KIAA1958: variants seen among roughly 807,000 people sequenced by gnomAD.
KIAA1958 encodes KIAA1958.
Under a neutral mutation model 47.2 loss-of-function variants are expected in KIAA1958, and 14 were observed. The ratio of observed to expected loss-of-function variants is 0.30; its 90% CI spans 0.20 to 0.46. The LOEUF (loss-of-function observed/expected upper bound fraction) is 0.46, where lower values mean the gene tolerates loss of function less well. Ranked by LOEUF, KIAA1958 falls within the 20% of genes least tolerant of loss-of-function variation. KIAA1958 has a pLI of 1.00. For synonymous variants in KIAA1958, 354 were observed against 353.3 expected, an observed-to-expected ratio of 1.00 and a Z score of -0.02; for missense variants, 803 against 909.2, an observed-to-expected ratio of 0.88 and a Z score of 1.50.
At chr9:112,570,676 C>T (rs1456469261) in intron 1 of KIAA1958, among the ~76,000 whole-genome samples, 1 of 152,136 alleles carries the variant, frequency 6.6e-6, no homozygotes, top group Non-Finnish European at 1.5e-5. Context: ...TTGGCTTTGC[C>T]AGTACCAAAT....
chr9:112,588,249 C>G (rs1835863453), intron 2 of KIAA1958, among the ~76,000 whole-genome samples: 1 of 152,140 alleles, frequency 6.6e-6, no homozygotes, highest in Admixed American at 6.6e-5. Flanking sequence ...AATATTGTTC[C>G]TAGCTATTCA....
intron 1 of KIAA1958, among the ~76,000 whole-genome samples, chr9:112,528,668 C>T (rs1218751696): frequency 5.9e-5 from 9 of 152,222 alleles, no homozygotes; most frequent in African/African-American, 1.7e-4. Flanking sequence ...GATAGGCACC[C>T]GTCACCACGA....
At chr9:112,598,493 TGA>T (rs1386273056) in intron 2 of KIAA1958, among the ~76,000 whole-genome samples, 2 of 152,166 alleles carry the variant, frequency 1.3e-5, no homozygotes, top group Non-Finnish European at 2.9e-5. Context: ...ACATTTTGAA[TGA>T]GGGCAAGAGT....
chr9:112,547,856 T>A (rs562981614), intron 1 of KIAA1958, among the ~76,000 whole-genome samples: 2 of 152,144 alleles, frequency 1.3e-5, no homozygotes, highest in Non-Finnish European at 2.9e-5. Context: ...CTCTGAAGCC[T>A]GCTGCCTGGA....
intron 2 of KIAA1958, 68 bp downstream of exon 2, chr9:112,575,319 C>A: frequency 1.8e-6 from 2 of 1,082,192 alleles, no homozygotes; most frequent in Non-Finnish European, 2.6e-6. Context: ...GTCAGCACTT[C>A]TAAAACCATT....
At chr9:112,515,894 T>TAAAAAAAAAAAAAAA (rs58492221) in intron 1 of KIAA1958, among the ~76,000 whole-genome samples, 3 of 97,116 alleles carry the variant, frequency 3.1e-5, no homozygotes, top group African/African-American at 8.0e-5. Context: ...AAAAATAAAT[T>TAAAAAAAAAAAAAAA]AAAAAAAAAA....
At chr9:112,554,937 T>G (rs1835216157) in intron 1 of KIAA1958, among the ~76,000 whole-genome samples, 1 of 152,054 alleles carries the variant, frequency 6.6e-6, no homozygotes, top group African/African-American at 2.4e-5. Context: ...AAAAAAGAGT[T>G]AAAATCTGTG....
At chr9:112,601,698 G>C (rs1442929807) in intron 2 of KIAA1958, among the ~76,000 whole-genome samples, 1 of 152,094 alleles carries the variant, frequency 6.6e-6, no homozygotes, top group Admixed American at 6.6e-5. Flanking sequence ...CTTTTTCCCT[G>C]TTCTTTAGGA....
In KIAA1958 at chr9:112,493,583, T is replaced by C. The variant is rs955162602; in HGVS notation, c.-25+6465T>C. 2.0e-5 allele frequency among the ~76,000 whole-genome samples: 3 copies of C among 152,268 alleles called. No homozygotes were observed. In the South Asian group the frequency reaches 6.2e-4, roughly 31 times the overall value. The stretch of plus-strand genomic sequence containing the variant: ...GTCTGTTTGCCATATGTGAATCATA[T>C]GCTACTGTGTTACCTTTGCATTAGT... On this transcript the variant is annotated intron_variant, in intron 1 of 3. Transcript: ENST00000337530.
intron 2 of KIAA1958, among the ~76,000 whole-genome samples, chr9:112,587,009 G>A (rs1326374477): frequency 1.3e-5 from 2 of 152,234 alleles, no homozygotes; most frequent in Non-Finnish European, 1.5e-5. Context: ...ACCATCTTGG[G>A]TCTCAGCAGG....
chr9:112,488,637 A>G (rs147559822), intron 1 of KIAA1958, among the ~76,000 whole-genome samples: 95 of 152,344 alleles, frequency 6.2e-4, no homozygotes, highest in African/African-American at 2.1e-3. Context: ...ATGGACAGTC[A>G]TATGTAAAAA....
intron 1 of KIAA1958, among the ~76,000 whole-genome samples, chr9:112,571,313 A>G (rs2131170399): frequency 6.6e-6 from 1 of 152,312 alleles, no homozygotes; most frequent in East Asian, 1.9e-4. Context: ...AGACAATAAC[A>G]AGGTAATAGT....
chr9:112,507,010 A>C (rs1834245440), intron 1 of KIAA1958, among the ~76,000 whole-genome samples: 1 of 152,232 alleles, frequency 6.6e-6, no homozygotes, highest in African/African-American at 2.4e-5. Context: ...AGGCCATTAC[A>C]TTAGACCTCT....
At chr9:112,534,101 C>A (rs903156187) in intron 1 of KIAA1958, among the ~76,000 whole-genome samples, 4 of 152,196 alleles carry the variant, frequency 2.6e-5, no homozygotes, top group Admixed American at 2.6e-4. Flanking sequence ...CCTCTTTGTG[C>A]CTTCATTTCC....
At position 112,618,710 on chromosome 9, in the gene KIAA1958, A is replaced by G. The variant is rs1405478238; in HGVS notation, c.1172-26940A>G. 2 of 1,550,688 alleles carry G rather than the reference A, an allele frequency of 1.3e-6. No homozygotes were observed. Among genetic ancestry groups the G allele is most frequent in the Non-Finnish European group, 1.7e-6 (2 of 1,147,002 alleles). ...CAAGCTGGCCAAGATGGTGAAGACC[A>G]TGTGTGAGAAGGGCAACATCCCTGG... On this transcript the variant is annotated intron_variant, in intron 2 of 3. Coordinates refer to ENST00000337530, the MANE Select transcript of KIAA1958 (RefSeq NM_133465.4). The surrounding 1 kb of genome is among the most constrained non-coding windows in gnomAD (Gnocchi z 7.1).
chr9:112,569,582 AC>A (rs1835496244), intron 1 of KIAA1958, among the ~76,000 whole-genome samples: 1 of 151,896 alleles, frequency 6.6e-6, no homozygotes. Flanking sequence ...AATGGGAAAC[AC>A]AAACTTTATT....
At chr9:112,634,131 C>T (rs1836758251) in intron 2 of KIAA1958, among the ~76,000 whole-genome samples, 1 of 152,220 alleles carries the variant, frequency 6.6e-6, no homozygotes, top group Admixed American at 6.5e-5. Flanking sequence ...TCTTCACTAT[C>T]ACTTGATATT....
chr9:112,542,532 T>C (rs1380517196), intron 1 of KIAA1958, among the ~76,000 whole-genome samples: 1 of 152,234 alleles, frequency 6.6e-6, no homozygotes, highest in East Asian at 1.9e-4. Flanking sequence ...CAAATTAGTT[T>C]TTAAAATCCT....
At chr9:112,570,262 T>C (rs1029886426) in intron 1 of KIAA1958, among the ~76,000 whole-genome samples, 1 of 152,242 alleles carries the variant, frequency 6.6e-6, no homozygotes, top group Admixed American at 6.5e-5. Flanking sequence ...TGTTGAATTC[T>C]TTTTATTTTC....
Sources: gnomAD v4.1 joint callset for allele counts (sites outside exome capture counted in the v4.1 genomes callset) on GRCh38, gnomAD v4.1.1 for gene constraint, Gnocchi (gnomAD v3.1) non-coding constraint, MANE v1.5 for transcripts, NCBI Gene and HGNC (gene_info 2026-07-23, HGNC 2026-07-21) for gene names.